Variants in GRM8 observed in about 807,000 individuals in gnomAD.
GRM8 encodes the protein glutamate metabotropic receptor 8.
GRM8 carries 47 observed loss-of-function variants against 87.2 expected under a neutral mutation model. That is an observed-to-expected ratio of 0.54 (90% CI 0.43 to 0.69). The LOEUF is 0.69. Ranked by LOEUF, GRM8 falls within the 30% of genes least tolerant of loss-of-function variation. The probability of loss-of-function intolerance (pLI) is 0.00; values close to 1 mark genes in which losing one functional copy is unlikely to be tolerated. For missense variants in GRM8, 1,019 were observed against 1,139.2 expected (o/e 0.89, Z 1.52); for synonymous variants, 396 against 404.5 (o/e 0.98, Z 0.25).
intron 7 of GRM8, among the ~76,000 whole-genome samples, chr7:126,717,441 T>C (rs1811884064): frequency 1.3e-5 from 2 of 152,114 alleles, no homozygotes; most frequent in Admixed American, 1.3e-4. Context: ...TCCTTCACCC[T>C]CCTTCACACC....
chr7:127,115,479 A>G (rs1225376353), intron 2 of GRM8, among the ~76,000 whole-genome samples: 1 of 152,224 alleles, frequency 6.6e-6, no homozygotes, highest in Non-Finnish European at 1.5e-5. Flanking sequence ...TGGATTTCTT[A>G]TGGAAAATAA....
chr7:127,058,136 T>C, intron 3 of GRM8: 1 of 522,180 alleles, frequency 1.9e-6, no homozygotes, highest in Non-Finnish European at 3.9e-6. Flanking sequence ...GATGACGCTG[T>C]GCCATCACAA....
chr7:126,637,358 T>C (rs1801963359), intron 7 of GRM8, among the ~76,000 whole-genome samples: 3 of 152,208 alleles, frequency 2.0e-5, no homozygotes, highest in South Asian at 2.1e-4. Flanking sequence ...AGGACTCTTG[T>C]TCTGGAGATG....
At chr7:126,529,569 T>C (rs1562924887) in intron 9 of GRM8, among the ~76,000 whole-genome samples, 1 of 152,158 alleles carries the variant, frequency 6.6e-6, no homozygotes, top group African/African-American at 2.4e-5. Context: ...TTTCTTTTCT[T>C]TTTTTGCCTT....
intron 7 of GRM8, among the ~76,000 whole-genome samples, chr7:126,696,025 T>C (rs1355324373): frequency 6.6e-6 from 1 of 152,138 alleles, no homozygotes; most frequent in Non-Finnish European, 1.5e-5. Context: ...GCTTTCTGGC[T>C]TTTACAACCA....
At chr7:126,688,424 G>A (rs1393023852) in intron 7 of GRM8, among the ~76,000 whole-genome samples, 4 of 152,098 alleles carry the variant, frequency 2.6e-5, no homozygotes, top group Non-Finnish European at 2.9e-5. Context: ...AAGGGAGGTC[G>A]GTGATGAATA....
At chr7:127,070,548 C>A (rs78651216) in intron 3 of GRM8, among the ~76,000 whole-genome samples, 1 of 152,042 alleles carries the variant, frequency 6.6e-6, no homozygotes, top group Non-Finnish European at 1.5e-5. Context: ...CAAGCAAAGA[C>A]GCTTCAAGTC....
chr7:126,935,162 GA>G (rs1390933266), intron 3 of GRM8, among the ~76,000 whole-genome samples: 2 of 152,158 alleles, frequency 1.3e-5, no homozygotes, highest in East Asian at 3.9e-4. Context: ...AATCTCAGTA[GA>G]ATGCAAATCT....
At chr7:126,468,585 A>G (rs539586402) in intron 9 of GRM8, among the ~76,000 whole-genome samples, 1 of 152,094 alleles carries the variant, frequency 6.6e-6, no homozygotes, top group Non-Finnish European at 1.5e-5. Context: ...CTATTCCTTC[A>G]TTATCTGTCT....
chr7:126,614,967 A>G (rs1460734059), intron 7 of GRM8, among the ~76,000 whole-genome samples: 1 of 152,230 alleles, frequency 6.6e-6, no homozygotes. Flanking sequence ...ATTATCCAGG[A>G]GAACTTCCCC....
chr7:126,893,669 T>C (rs946925157), intron 6 of GRM8, among the ~76,000 whole-genome samples: 1 of 152,014 alleles, frequency 6.6e-6, no homozygotes, highest in African/African-American at 2.4e-5. Flanking sequence ...AACTATTGTC[T>C]GACTATTATC....
At chr7:126,941,087 C>T (rs1458521609) in intron 3 of GRM8, among the ~76,000 whole-genome samples, 2 of 152,178 alleles carry the variant, frequency 1.3e-5, no homozygotes, top group African/African-American at 4.8e-5. Flanking sequence ...TATCTGCCCA[C>T]ACTGACTCAT....
chr7:126,539,176 A>C (rs965208989), intron 8 of GRM8, among the ~76,000 whole-genome samples: 1 of 152,038 alleles, frequency 6.6e-6, no homozygotes, highest in African/African-American at 2.4e-5. Context: ...TTAAGGAAAA[A>C]ATTTCATTTA....
At chr7:126,529,819 T>G (rs1236914748) in intron 9 of GRM8, among the ~76,000 whole-genome samples, 2 of 152,188 alleles carry the variant, frequency 1.3e-5, no homozygotes, top group Non-Finnish European at 1.5e-5. Context: ...TTTAATTTTT[T>G]TCTCTTTTCA....
intron 6 of GRM8, among the ~76,000 whole-genome samples, chr7:126,771,677 C>T (rs61755390): frequency 0.019 from 2,869 of 152,064 alleles, 92 homozygotes; most frequent in African/African-American, 0.066. Flanking sequence ...CCTTTCTTGC[C>T]ATCTAACTGC....
chr7:127,145,364 C>T lies in GRM8; in HGVS notation c.511-38652G>A, dbSNP rs371299963. 2.8e-4 allele frequency among the ~76,000 whole-genome samples: 42 copies of T among 152,192 alleles called. 1 individual carries two copies. The South Asian group carries it at 3.5e-3, about 13-fold the overall frequency. ...TTATTATGTAGGAAGCAAGTGATAG[C>T]ATAATTGTATAATAATTGTTTCAAG... On this transcript the variant is annotated intron_variant, in intron 2 of 10. Transcript: ENST00000339582.
rs6950761 is a variant in GRM8, at chr7:127,102,873, C to G, written c.727+3623G>C. Among the ~76,000 whole-genome samples the G allele has an allele frequency of 2.9e-3, 445 of 152,262 alleles. 2 individuals carry two copies. Among genetic ancestry groups the G allele is most frequent in the African/African-American group, 0.01 (422 of 41,550 alleles). On this transcript the variant is annotated intron_variant, in intron 3 of 10. Coordinates refer to ENST00000339582, the MANE Select transcript of GRM8 (RefSeq NM_000845.3). Reference sequence around the variant, plus strand: ...GAAAGAGGCCACCATCCTCCAGACTCCAGAATAGTAGATCCACCAGCAGCT... The same window carrying G: ...GAAAGAGGCCACCATCCTCCAGACTGCAGAATAGTAGATCCACCAGCAGCT...
At chr7:126,592,684 C>A (rs1262101747) in intron 8 of GRM8, among the ~76,000 whole-genome samples, 1 of 151,512 alleles carries the variant, frequency 6.6e-6, no homozygotes, top group Non-Finnish European at 1.5e-5. Context: ...TATGACAAAC[C>A]CGTAGCTAAC....
chr7:126,652,405 G>C (rs1025173687), intron 7 of GRM8, among the ~76,000 whole-genome samples: 1 of 152,160 alleles, frequency 6.6e-6, no homozygotes, highest in East Asian at 1.9e-4. Flanking sequence ...TTGGATTGAA[G>C]GATGCAACAT....
Sources: allele counts gnomAD v4.1 joint callset (sites outside exome capture counted in the v4.1 genomes callset), GRCh38; gene constraint gnomAD v4.1.1; transcripts MANE v1.5; gene names NCBI Gene and HGNC (gene_info 2026-07-23, HGNC 2026-07-21).